Variants in MICAL3 observed in about 807,000 individuals in gnomAD.
The protein encoded by MICAL3 is [F-actin]-monooxygenase MICAL3.
MICAL3 carries 62 observed loss-of-function variants against 207.4 expected under a neutral mutation model. That is an observed-to-expected ratio of 0.30 (90% confidence interval 0.24 to 0.37). The LOEUF (loss-of-function observed/expected upper bound fraction) is 0.37. MICAL3 is among the 10% of genes least tolerant of loss of function. The pLI is 1.00. For missense variants in MICAL3, 2,368 were observed against 2,635.6 expected (o/e 0.90, Z 2.22); for synonymous variants, 1,077 against 1,069.3 (o/e 1.01, Z -0.14).
In MICAL3 at chr22:17,817,923, T is replaced by G. The variant is rs770749032; in HGVS notation, c.4738A>C (p.Arg1580=). The change falls in exon 26 of 32, where the codon AGG becomes CGG. Residue 1580 remains arginine, a synonymous_variant. Transcript: ENST00000441493. Reference sequence around the variant, plus strand: ...TCCGCGGACACCAAGGGCAGCCCCCTCTTCTGTGGCTGCAGCGTCCCCTCC... The same window carrying G: ...TCCGCGGACACCAAGGGCAGCCCCCGCTTCTGTGGCTGCAGCGTCCCCTCC... ...ALEGTLQPQK[R]GLPLVSAEAK... is the part of the protein sequence containing the mutation. 3.0e-5 allele frequency: 48 copies of G among 1,612,346 alleles called. No individual in the cohort carries two copies. In the Middle Eastern group the frequency reaches 4.9e-4, roughly 17 times the overall value.
chr22:17,895,509 A>T, intron 9 of MICAL3, 99 bp from the exon 10 acceptor site: 1 of 1,354,574 alleles, frequency 7.4e-7, no homozygotes, highest in Non-Finnish European at 1.0e-6. Context: ...GTCACCTGAC[A>T]TGCCTGACAA....
intron 1 of MICAL3, among the ~76,000 whole-genome samples, chr22:17,968,352 A>T (rs972181210): frequency 2.0e-5 from 3 of 152,114 alleles, no homozygotes; most frequent in Non-Finnish European, 2.9e-5. Flanking sequence ...CTCACAGGTG[A>T]GCAGGTGTTC....
At chr22:17,950,940 A>G (rs1934320076) in intron 1 of MICAL3, among the ~76,000 whole-genome samples, 1 of 152,212 alleles carries the variant, frequency 6.6e-6, no homozygotes, top group African/African-American at 2.4e-5. Context: ...ACCATCCCAT[A>G]AAGAACAGGA....
chr22:17,815,012 G>C (rs1425168375), intron 27 of MICAL3: 2 of 152,136 alleles, frequency 1.3e-5, no homozygotes, highest in African/African-American at 4.8e-5. Flanking sequence ...TCGATCCTCA[G>C]CCGTCCTCTA....
chr22:17,860,542 T>G, intron 19 of MICAL3: 6 of 985,474 alleles, frequency 6.1e-6, no homozygotes, highest in Non-Finnish European at 7.2e-6. Flanking sequence ...ATGGTGGAAC[T>G]CCTTTTGGGA....
intron 15 of MICAL3, among the ~76,000 whole-genome samples, 181 bp downstream of exon 15, chr22:17,886,989 A>C (rs1264341363): frequency 3.3e-5 from 1 of 29,912 alleles, no homozygotes; most frequent in Non-Finnish European, 5.6e-5. Context: ...CTCTTGTCTC[A>C]AAAAAAAAAA....
At chr22:17,899,340 A>G in intron 7 of MICAL3, 108 bp downstream of exon 7, 1 of 763,520 alleles carries the variant, frequency 1.3e-6, no homozygotes, top group Non-Finnish European at 2.3e-6. Context: ...AGATGCATTC[A>G]GTGCTCATTT....
intron 1 of MICAL3, among the ~76,000 whole-genome samples, chr22:17,971,285 T>C (rs113023665): frequency 0.048 from 7,345 of 152,198 alleles, 575 homozygotes; most frequent in African/African-American, 0.17. Context: ...CTGGCCAACA[T>C]GGTGAAACCC....
chr22:17,893,895 A>C lies in MICAL3; in HGVS notation c.1459T>G (p.Leu487Val). The change falls in exon 11 of 32, where the codon TTA (leucine) becomes GTA (valine). Residue 487 changes from leucine (L) to valine (V), a missense_variant. Leu to Val is a conservative substitution (Grantham distance 32, BLOSUM62 1). This residue lies in a region of MICAL3 where 147 missense variants were observed against 137.7 expected (regional missense o/e 1.07). Coordinates refer to ENST00000441493, the MANE Select transcript of MICAL3 (RefSeq NM_015241.3). The stretch of plus-strand genomic sequence containing the variant: ...TCTTTTGTTTCGCCAGTATCATATA[A>C]ATGGCGCACCTGGCAGAAATTTACA... ...NFLRPSQVRHLYDTGETKDIH... is the reference protein window; with the variant it reads ...NFLRPSQVRHVYDTGETKDIH... 1.3e-6 allele frequency: 2 copies of C among 1,556,628 alleles called. No individual in the cohort carries two copies. The highest frequency in any genetic ancestry group is 1.7e-6 in the Non-Finnish European group (2 of 1,148,968).
chr22:17,876,346 G>A (rs1928338825), intron 16 of MICAL3: 3 of 152,312 alleles, frequency 2.0e-5, no homozygotes, highest in Non-Finnish European at 4.4e-5. Flanking sequence ...ACAGCATTAA[G>A]TCATGATGCT....
rs961448393 is a variant in MICAL3 at position 17,930,739 on chromosome 22, G to C, written c.-74-23853C>G. Among the ~76,000 whole-genome samples, 4 of 152,228 alleles carry C rather than the reference G, an allele frequency of 2.6e-5. No individual in the cohort carries two copies. The East Asian group carries it at 5.8e-4, about 22-fold the overall frequency. ...CTCCCAGGGCCCCCAGTTAGAGTCT[G>C]AGTTAGAATTGGCCACGCCAGGAAG... On this transcript the variant is annotated intron_variant, in intron 1 of 31. Coordinates refer to ENST00000441493, the MANE Select transcript of MICAL3 (RefSeq NM_015241.3).
intron 16 of MICAL3, among the ~76,000 whole-genome samples, chr22:17,877,030 AGGTTAGGG>A (rs1928624491): frequency 2.4e-5 from 3 of 126,528 alleles, no homozygotes; most frequent in Non-Finnish European, 3.4e-5. Flanking sequence ...GAGGTTATGG[AGGTTAGGG>A]AGGTTATGGA....
intron 1 of MICAL3, among the ~76,000 whole-genome samples, chr22:18,021,747 A>G (rs1037931416): frequency 2.0e-5 from 3 of 152,158 alleles, no homozygotes. Context: ...ATTCTATGGT[A>G]GGGAGACCCT....
chr22:17,923,570 G>T (rs1932847866), intron 1 of MICAL3, among the ~76,000 whole-genome samples: 1 of 152,222 alleles, frequency 6.6e-6, no homozygotes, highest in Non-Finnish European at 1.5e-5. Context: ...GTACCTGCTG[G>T]GGCCCAGTGG....
intron 1 of MICAL3, among the ~76,000 whole-genome samples, chr22:17,935,959 C>A (rs187620543): frequency 6.6e-6 from 1 of 152,118 alleles, no homozygotes. Context: ...GAAATAGGAA[C>A]GCTTTTACAC....
chr22:17,989,623 G>C (rs1369991756), intron 1 of MICAL3, among the ~76,000 whole-genome samples: 1 of 152,068 alleles, frequency 6.6e-6, no homozygotes, highest in Non-Finnish European at 1.5e-5. Context: ...TCCTACCATG[G>C]CCTGAGCACA....
chr22:17,810,626 G>A, intron 28 of MICAL3, 77 bp downstream of exon 28: 1 of 1,171,642 alleles, frequency 8.5e-7, no homozygotes, highest in Non-Finnish European at 1.3e-6. Context: ...TGTGTGGCAG[G>A]GAGCAGCTGG....
chr22:17,910,897 C>G (rs1932098339), intron 1 of MICAL3, among the ~76,000 whole-genome samples: 1 of 152,204 alleles, frequency 6.6e-6, no homozygotes. Context: ...ACCCTGTGTA[C>G]AGTTCATAAT....
In MICAL3 at chr22:17,893,845, C is replaced by A; in HGVS notation, c.1509G>T (p.Leu503=). 1.3e-6 allele frequency: 2 copies of A among 1,577,588 alleles called. No individual in the cohort carries two copies. Among genetic ancestry groups the A allele is most frequent in the East Asian group, 2.3e-5 (1 of 43,316 alleles). ...ATTTGGGGGTGGTTCGGGAATTCACCAGGCTCTCCATTTCCAGGTGAATAT... is the reference window on the plus strand; with the variant it reads ...ATTTGGGGGTGGTTCGGGAATTCACAAGGCTCTCCATTTCCAGGTGAATAT... The part of the protein sequence containing the change: ...TKDIHLEMES[L]VNSRTTPKLT... Residue 503 remains leucine (L), a synonymous_variant, in exon 11 of 32, where the codon CTG becomes CTT. Transcript: ENST00000441493.
Sources: allele counts gnomAD v4.1 joint callset (sites outside exome capture counted in the v4.1 genomes callset), GRCh38; gene constraint gnomAD v4.1.1; regional missense constraint gnomAD v4.1.1; transcripts MANE v1.5; gene names NCBI Gene and HGNC (gene_info 2026-07-23, HGNC 2026-07-21).